SHANK2: variants seen among roughly 807,000 people sequenced by gnomAD.
SHANK2 encodes the protein SH3 and multiple ankyrin repeat domains 2, also known as SH3 and multiple ankyrin repeat domains protein 2.
In SHANK2, 43 loss-of-function variants were observed where a neutral mutation model predicts 133.7. The observed-to-expected ratio is 0.32, with a 90% confidence interval of 0.25 to 0.41. The LOEUF is 0.41. Among genes scored for constraint, SHANK2 ranks in the 10% least tolerant of loss-of-function variants. The pLI is 1.00. For synonymous variants in SHANK2, 1,017 were observed against 952.8 expected, an observed-to-expected ratio of 1.07 and a Z score of -1.24; for missense variants, 1,994 against 2,235.8, an observed-to-expected ratio of 0.89 and a Z score of 2.18.
intron 17 of SHANK2, among the ~76,000 whole-genome samples, chr11:70,567,223 C>T (rs782021120): frequency 4.6e-5 from 7 of 152,100 alleles, no homozygotes; most frequent in Admixed American, 3.3e-4. Flanking sequence ...ACCTAACCTC[C>T]GGTACTCAAG....
intron 14 of SHANK2, among the ~76,000 whole-genome samples, chr11:70,717,822 A>AG (rs1368033743): frequency 5.3e-5 from 8 of 151,888 alleles, no homozygotes; most frequent in Non-Finnish European, 1.0e-4. Flanking sequence ...AGGAAAAAAA[A>AG]AAAGTTGCAG....
chr11:70,945,225 CCTT>C (rs782371481), intron 10 of SHANK2, among the ~76,000 whole-genome samples: 6 of 152,094 alleles, frequency 3.9e-5, no homozygotes, highest in Non-Finnish European at 8.8e-5. Flanking sequence ...ACCATAAGAT[CCTT>C]GGAGGAAGCA....
Position 71,175,046 on chromosome 11 carries a change from TC to T in SHANK2, c.-12-27709del, listed in dbSNP as rs1345375652. On this transcript the variant is annotated intron_variant, in intron 2 of 25. Coordinates refer to ENST00000601538, the MANE Select transcript of SHANK2 (RefSeq NM_012309.5). This position sits in a 1 kb window ranked among gnomAD's most constrained non-coding sequence, Gnocchi z 4.2. Reference sequence around the variant, plus strand: ...ACATGTCATGCTCTCAGATAAGCCTTCCCCGGTTACCTTTCTGCAGCTACAA... The same window carrying T: ...ACATGTCATGCTCTCAGATAAGCCTTCCCGGTTACCTTTCTGCAGCTACAA... 2.0e-5 allele frequency among the ~76,000 whole-genome samples: 3 copies of T among 148,920 alleles called. No homozygotes were observed. Among genetic ancestry groups the T allele is most frequent in the Non-Finnish European group, 4.5e-5 (3 of 67,300 alleles).
At chr11:70,619,751 G>A (rs1378369604) in intron 17 of SHANK2, among the ~76,000 whole-genome samples, 4 of 152,162 alleles carry the variant, frequency 2.6e-5, no homozygotes, top group Non-Finnish European at 5.9e-5. Flanking sequence ...TCTCTTTGGG[G>A]CTGTCCTGGC....
chr11:70,813,351 G>A lies in SHANK2; in HGVS notation c.1494-6180C>T, dbSNP rs546575798. Among the ~76,000 whole-genome samples, 28 of 152,258 alleles carry A rather than the reference G, an allele frequency of 1.8e-4. No homozygotes were observed. The South Asian group carries it at 2.3e-3, about 12-fold the overall frequency. On this transcript the variant is annotated intron_variant, in intron 12 of 25. Transcript: ENST00000601538. Reference sequence around the variant, plus strand: ...GTTCGGGGAGAAATGGATGCCACACGGCGCAGTGGTGCCAGTGAACGAGCA... The same window carrying A: ...GTTCGGGGAGAAATGGATGCCACACAGCGCAGTGGTGCCAGTGAACGAGCA...
chr11:70,795,982 G>A (rs1205052708), intron 14 of SHANK2, among the ~76,000 whole-genome samples: 1 of 152,220 alleles, frequency 6.6e-6, no homozygotes, highest in African/African-American at 2.4e-5. Context: ...TGTCCTGGGA[G>A]TGTGAGCTGG....
intron 6 of SHANK2, among the ~76,000 whole-genome samples, chr11:71,109,703 G>A (rs1317300498): frequency 6.6e-6 from 1 of 152,246 alleles, no homozygotes; most frequent in African/African-American, 2.4e-5. Context: ...CAACAATTCT[G>A]CACTGAACAC....
At chr11:70,547,090 G>A (rs1014924130) in intron 17 of SHANK2, among the ~76,000 whole-genome samples, 4 of 151,704 alleles carry the variant, frequency 2.6e-5, no homozygotes, top group African/African-American at 7.3e-5. Context: ...CCTCACCCTT[G>A]ATGCTTCCAC....
intron 3 of SHANK2, among the ~76,000 whole-genome samples, chr11:71,138,505 G>A (rs1338576615): frequency 6.6e-6 from 1 of 152,132 alleles, no homozygotes; most frequent in East Asian, 1.9e-4. Context: ...AAGCAGACGG[G>A]CCAAGGCCAC....
At chr11:70,495,400 C>T (rs1231553501) in intron 21 of SHANK2, among the ~76,000 whole-genome samples, 1 of 152,236 alleles carries the variant, frequency 6.6e-6, no homozygotes, top group African/African-American at 2.4e-5. Flanking sequence ...GACTTGGGAC[C>T]AGGTGATGCT....
At position 70,493,463 on chromosome 11, in the gene SHANK2, CA is replaced by C. The variant is rs370209369; in HGVS notation, c.2309-999del. On this transcript the variant is annotated intron_variant, in intron 21 of 25. Coordinates refer to ENST00000601538, the MANE Select transcript of SHANK2 (RefSeq NM_012309.5). ...TTTTTTAAAGAGGACATTTGCAGCA[CA>C]TTTTTTTTTTTTTTTTTACTTGAAA... is the stretch of plus-strand genomic sequence containing the variant. 6.2e-3 allele frequency among the ~76,000 whole-genome samples: 759 copies of C among 122,350 alleles called. 10 individuals are homozygous for C. The highest frequency in any genetic ancestry group is 0.019 in the African/African-American group (673 of 36,266). 80.3% of individuals were successfully genotyped at this position (122,350 alleles called of 152,430 possible).
At chr11:70,787,337 A>C (rs1947688077) in intron 14 of SHANK2, among the ~76,000 whole-genome samples, 2 of 150,378 alleles carry the variant, frequency 1.3e-5, no homozygotes, top group African/African-American at 4.9e-5. Context: ...CACCATGACC[A>C]CCACCACCAC....
chr11:71,085,699 T>A (rs1430320322), intron 8 of SHANK2, among the ~76,000 whole-genome samples: 1 of 48,980 alleles, frequency 2.0e-5, no homozygotes, highest in Non-Finnish European at 3.4e-5. Flanking sequence ...ATATAACATA[T>A]TATATGTTAT....
At chr11:70,716,527 C>T (rs782343330) in intron 14 of SHANK2, among the ~76,000 whole-genome samples, 7 of 152,108 alleles carry the variant, frequency 4.6e-5, no homozygotes, top group Non-Finnish European at 8.8e-5. Flanking sequence ...CTTGGCCAAC[C>T]GAAGTTCTTG....
chr11:70,505,561 G>C (rs782331510), intron 17 of SHANK2, among the ~76,000 whole-genome samples: 19 of 152,122 alleles, frequency 1.2e-4, no homozygotes, highest in Non-Finnish European at 2.6e-4. Context: ...AGATGGGCTG[G>C]GACCAGCTTT....
intron 8 of SHANK2, among the ~76,000 whole-genome samples, chr11:71,087,179 C>A (rs1348833025): frequency 6.6e-6 from 1 of 152,212 alleles, no homozygotes; most frequent in African/African-American, 2.4e-5. Flanking sequence ...AGGGACAGAA[C>A]CTGGCCCTTT....
chr11:70,661,471 A>G (rs1221777908), intron 16 of SHANK2, 125 bp downstream of exon 16: 4 of 1,025,646 alleles, frequency 3.9e-6, no homozygotes, highest in African/African-American at 3.3e-5. Context: ...CTTATTCCTG[A>G]GCTGGGGAAC....
chr11:71,132,761 GC>G (rs1952342879), intron 3 of SHANK2, among the ~76,000 whole-genome samples: 1 of 152,128 alleles, frequency 6.6e-6, no homozygotes, highest in African/African-American at 2.4e-5. Context: ...TATGATCAAG[GC>G]TTGACTTTCC....
At chr11:71,130,524 A>G (rs1555103479) in intron 3 of SHANK2, among the ~76,000 whole-genome samples, 1 of 152,226 alleles carries the variant, frequency 6.6e-6, no homozygotes, top group African/African-American at 2.4e-5. Context: ...GTGTCTAGAC[A>G]AAGCTTGAGA....
Sources: allele counts gnomAD v4.1 joint callset (sites outside exome capture counted in the v4.1 genomes callset), GRCh38; gene constraint gnomAD v4.1.1; non-coding constraint Gnocchi (gnomAD v3.1); transcripts MANE v1.5; gene names NCBI Gene and HGNC (gene_info 2026-07-23, HGNC 2026-07-21).